The following ZMYND15 variants were observed in gnomAD, a reference collection of about 807,000 sequenced individuals.
The protein encoded by ZMYND15 is zinc finger MYND domain-containing protein 15.
ZMYND15 carries 54 observed loss-of-function variants against 81.7 expected under a neutral mutation model. That is an observed-to-expected ratio of 0.66 (90% CI 0.53 to 0.83). ZMYND15 has a LOEUF of 0.83. Among genes scored for constraint, ZMYND15 ranks in the 40% least tolerant of loss-of-function variants. The probability of loss-of-function intolerance (pLI) is 0.00; values close to 1 mark genes in which losing one functional copy is unlikely to be tolerated. For missense variants in ZMYND15, 925 were observed against 973.5 expected, an observed-to-expected ratio of 0.95 and a Z score of 0.66; for synonymous variants, 399 against 387.0, an observed-to-expected ratio of 1.03 and a Z score of -0.36.
chr17:4,740,518 G>C lies in ZMYND15; in HGVS notation c.-30-1G>C, dbSNP rs200325434. On this transcript the variant is annotated splice_acceptor_variant, in intron 1 of 13. Coordinates refer to ENST00000433935, the MANE Select transcript of ZMYND15 (RefSeq NM_001136046.3). LOFTEE classifies it low-confidence loss of function (5UTR_SPLICE). Reference sequence around the variant, plus strand: ...CACCATATATCCCTTCTTTTGCTCAGTCTGGGCCGGGGCCCTGTGCCGCTG... The same window carrying C: ...CACCATATATCCCTTCTTTTGCTCACTCTGGGCCGGGGCCCTGTGCCGCTG... 1 of 1,555,034 alleles carries C rather than the reference G, an allele frequency of 6.4e-7. No homozygotes were observed. The highest frequency in any genetic ancestry group is 1.9e-5 in the Admixed American group (1 of 54,050).
intron 1 of ZMYND15, 25 bp from the exon 2 acceptor site, chr17:4,740,494 A>G: frequency 6.6e-7 from 1 of 1,509,160 alleles, no homozygotes; most frequent in Non-Finnish European, 8.9e-7. Flanking sequence ...CCTGTCCCTC[A>G]CCATATATCC....
Position 4,743,597 on chromosome 17 carries a change from C to T in ZMYND15, c.1297+142C>T, listed in dbSNP as rs2150629666. ...GGGCCATTTCAGGCCTTTCCCAGCC[C>T]TCAATGGAATCACCCCTACCAACTC... On this transcript the variant is annotated intron_variant, in intron 6 of 13. Transcript: ENST00000433935. This position sits in a 1 kb window ranked among gnomAD's most constrained non-coding sequence, Gnocchi z 4.3. The T allele has an allele frequency of 4.4e-6, 6 of 1,363,056 alleles. No homozygotes were observed. The East Asian group carries it at 1.2e-4, about 27-fold the overall frequency. 84.4% of individuals were successfully genotyped at this position (1,363,056 alleles called of 1,614,324 possible).
At position 4,740,546 on chromosome 17, in the gene ZMYND15, G is replaced by T. The variant is rs1428762573; in HGVS notation, c.-3G>T. ...TGGGCCGGGGCCCTGTGCCGCTGAA[G>T]ACATGGAGTTTGTGTCTGGATACCG... On this transcript the variant is annotated 5_prime_UTR_variant, in exon 2 of 14. Transcript: ENST00000433935. 6.3e-7 allele frequency: 1 copy of T among 1,590,038 alleles called. No individual in the cohort carries two copies. The highest frequency in any genetic ancestry group is 1.7e-4 in the Middle Eastern group (1 of 5,926).
chr17:4,744,928 G>C lies in ZMYND15; in HGVS notation c.1896G>C (p.Gln632His). ...DTWLRSLPRL[Q>H]SLRVPAFFTE... ...GGCTGAGGTCTCTGCCCCGGTTACAGGTGGGCAATGGGGGCAAAAGGGAAC... is the reference window on the plus strand; with the variant it reads ...GGCTGAGGTCTCTGCCCCGGTTACACGTGGGCAATGGGGGCAAAAGGGAAC... Residue 632 changes from glutamine (Q) to histidine (H), a missense_variant and splice_region_variant, in exon 12 of 14, where the codon CAG (glutamine) becomes CAC (histidine). Physicochemically the swap from Gln to His is conservative, Grantham distance 24 (BLOSUM62 0). Coordinates refer to ENST00000433935, the MANE Select transcript of ZMYND15 (RefSeq NM_001136046.3). This position sits in a 1 kb window ranked among gnomAD's most constrained non-coding sequence, Gnocchi z 4.1. The C allele has an allele frequency of 6.2e-7, 1 of 1,614,106 alleles. No individual in the cohort carries two copies. The highest frequency in any genetic ancestry group is 8.5e-7 in the Non-Finnish European group (1 of 1,180,004).
chr17:4,744,382 T>G lies in ZMYND15; in HGVS notation c.1598T>G (p.Leu533Arg). The change falls in exon 10 of 14, where the codon CTG becomes CGG. Residue 533 changes from leucine (L) to arginine (R), a missense_variant. Physicochemically the swap from Leu to Arg is moderately radical, Grantham distance 102 (BLOSUM62 -2). Transcript: ENST00000433935. The surrounding 1 kb of genome is among the most constrained non-coding windows in gnomAD (Gnocchi z 4.1). ...LVMVFWELLV[L>R]LPHVALELQF... ...TCTGTCCTTCAGGAGCTTTTGGTCC[T>G]GCTCCCCCATGTGGCCCTGGAGCTG... 6.2e-7 allele frequency: 1 copy of G among 1,614,152 alleles called. No homozygotes were observed. Among genetic ancestry groups the G allele is most frequent in the Non-Finnish European group, 8.5e-7 (1 of 1,180,022 alleles).
At position 4,742,426 on chromosome 17, in the gene ZMYND15, C is replaced by T; in HGVS notation, c.1079C>T (p.Pro360Leu). The T allele has an allele frequency of 6.2e-7, 1 of 1,614,190 alleles. No individual in the cohort carries two copies. Among genetic ancestry groups the T allele is most frequent in the South Asian group, 1.1e-5 (1 of 91,080 alleles). ...PDDVSHRFWC[P>L]RLAAFMERAG... is the part of the protein sequence containing the mutation. ...GATGTGAGTCACCGATTTTGGTGCC[C>T]AAGGCTTGCAGCCTTCATGGAGCGG... Residue 360 changes from proline to leucine, a missense_variant, in exon 5 of 14, where the codon CCA (proline) becomes CTA (leucine). Physicochemically the swap from Pro to Leu is moderately conservative, Grantham distance 98 (BLOSUM62 -3). Transcript: ENST00000433935.
In ZMYND15 at chr17:4,745,407, C is replaced by T; in HGVS notation, c.2057+32C>T. ...GTCTGCGACCCTATTTCCTTCCTGA[C>T]CCTTAACTTCTCTTACTCTCTGGCT... On this transcript the variant is annotated intron_variant, in intron 13 of 13. Transcript: ENST00000433935. The surrounding 1 kb of genome is among the most constrained non-coding windows in gnomAD (Gnocchi z 5.2). The T allele has an allele frequency of 1.9e-6, 3 of 1,561,252 alleles. No individual in the cohort carries two copies. The highest frequency in any genetic ancestry group is 2.6e-6 in the Non-Finnish European group (3 of 1,155,398).
At position 4,741,639 on chromosome 17, in the gene ZMYND15, T is replaced by C. The variant is rs768675528; in HGVS notation, c.650T>C (p.Ile217Thr). Residue 217 changes from isoleucine to threonine, a missense_variant, in exon 3 of 14, where the codon ATC becomes ACC. Transcript: ENST00000433935. ...LLLVTDEHGTILGIDLLVDGA... is the reference protein window; with the variant it reads ...LLLVTDEHGTTLGIDLLVDGA... ...CTTGTGACGGATGAGCATGGCACCA[T>C]CTTGGGCATTGATCTGCTAGTGGAT... 8.7e-6 allele frequency: 14 copies of C among 1,614,134 alleles called. No homozygotes were observed. In the South Asian group the frequency reaches 1.4e-4, roughly 16 times the overall value.
chr17:4,742,166 C>T, intron 4 of ZMYND15, 96 bp downstream of exon 4: 2 of 1,565,754 alleles, frequency 1.3e-6, no homozygotes, highest in Non-Finnish European at 1.7e-6. Flanking sequence ...GAAGGAGAGG[C>T]AGGGACATGA....
At position 4,745,089 on chromosome 17, in the gene ZMYND15, C is replaced by T. The variant is rs1001300550; in HGVS notation, c.1897-126C>T. 7 of 1,556,878 alleles carry T rather than the reference C, an allele frequency of 4.5e-6. No homozygotes were observed. The highest frequency in any genetic ancestry group is 2.7e-5 in the African/African-American group (2 of 73,752). On this transcript the variant is annotated intron_variant, in intron 12 of 13. Transcript: ENST00000433935. The surrounding 1 kb of genome is among the most constrained non-coding windows in gnomAD (Gnocchi z 5.2). Reference sequence around the variant, plus strand: ...CCCTGCCTCTCTCTGTGTCTGTCTCCGTCCTCCCCCTGCTCCCCTCCGCCC... The same window carrying T: ...CCCTGCCTCTCTCTGTGTCTGTCTCTGTCCTCCCCCTGCTCCCCTCCGCCC...
rs150289794 is a variant in ZMYND15, at chr17:4,744,245, C to G, written c.1551C>G (p.Ala517=). The G allele has an allele frequency of 8.1e-6, 13 of 1,613,876 alleles. No individual in the cohort carries two copies. The highest frequency in any genetic ancestry group is 1.1e-5 in the Non-Finnish European group (13 of 1,179,988). ...CACTGAAGATCCACGTGGTGGAGGC[C>G]GGGAAGGAGTTTGACCTTGTCATGG... ...KQSLKIHVVE[A]GKEFDLVMVF... is the part of the protein sequence containing the mutation. The change falls in exon 9 of 14, where the codon GCC becomes GCG. Residue 517 remains alanine (A), a synonymous_variant. Coordinates refer to ENST00000433935, the MANE Select transcript of ZMYND15 (RefSeq NM_001136046.3). This position sits in a 1 kb window ranked among gnomAD's most constrained non-coding sequence, Gnocchi z 4.1.
Position 4,743,704 on chromosome 17 carries a change from GAAA to G in ZMYND15, c.1298-62_1298-60del. On this transcript the variant is annotated intron_variant, in intron 6 of 13. Coordinates refer to ENST00000433935, the MANE Select transcript of ZMYND15 (RefSeq NM_001136046.3). This position sits in a 1 kb window ranked among gnomAD's most constrained non-coding sequence, Gnocchi z 4.3. ...GGGAATACAGCCCCTTTGGAAGGAA[GAAA>G]GAGATGGGTCAGGTGGGGGTCTCCC... 5 of 1,513,056 alleles carry G rather than the reference GAAA, an allele frequency of 3.3e-6. No homozygotes were observed. Among genetic ancestry groups the G allele is most frequent in the South Asian group, 1.2e-5 (1 of 82,986 alleles). The allele number at this position is 1,513,056 out of a possible 1,614,324, so 93.7% of individuals were successfully genotyped here. A position where few individuals can be genotyped will look rare whatever the true frequency, so the allele number is the denominator to read the frequency against.
Position 4,745,926 on chromosome 17 carries a change from C to T in ZMYND15, c.2165C>T (p.Pro722Leu). 1 of 1,496,502 alleles carries T rather than the reference C, an allele frequency of 6.7e-7. No homozygotes were observed. The highest frequency in any genetic ancestry group is 8.9e-7 in the Non-Finnish European group (1 of 1,128,378). 92.7% of individuals were successfully genotyped at this position (1,496,502 alleles called of 1,614,324 possible). The change falls in exon 14 of 14, where the codon CCT (proline) becomes CTT (leucine). Residue 722 changes from proline (P) to leucine (L), a missense_variant. Coordinates refer to ENST00000433935, the MANE Select transcript of ZMYND15 (RefSeq NM_001136046.3). This position sits in a 1 kb window ranked among gnomAD's most constrained non-coding sequence, Gnocchi z 5.2. ...PPPSPTPSAPPAPTRRRRGEK... is the reference protein window; with the variant it reads ...PPPSPTPSAPLAPTRRRRGEK... ...CCATCCCCAACTCCCTCTGCTCCTC[C>T]TGCCCCCACCCGAAGGCGCCGAGGA... is the stretch of plus-strand genomic sequence containing the variant.
rs1264482222 is a variant in ZMYND15, at chr17:4,744,229, T to G, written c.1535T>G (p.Ile512Ser). The stretch of plus-strand genomic sequence containing the variant: ...ATCCAAAACAAACAGTCACTGAAGA[T>G]CCACGTGGTGGAGGCCGGGAAGGAG... ...LNIQNKQSLKIHVVEAGKEFD... is the reference protein window; with the variant it reads ...LNIQNKQSLKSHVVEAGKEFD... The change falls in exon 9 of 14, where the codon ATC becomes AGC. Residue 512 changes from isoleucine (I) to serine (S), a missense_variant. Ile to Ser is a moderately radical substitution (Grantham distance 142, BLOSUM62 -2). Transcript: ENST00000433935. This position sits in a 1 kb window ranked among gnomAD's most constrained non-coding sequence, Gnocchi z 4.1. 1 of 1,614,024 alleles carries G rather than the reference T, an allele frequency of 6.2e-7. No individual in the cohort carries two copies. Among genetic ancestry groups the G allele is most frequent in the Non-Finnish European group, 8.5e-7 (1 of 1,179,992 alleles).
Position 4,745,265 on chromosome 17 carries a change from G to A in ZMYND15, c.1947G>A (p.Val649=). ...FFTESSEYSC[V]MDGQTMAVAT... The stretch of plus-strand genomic sequence containing the variant: ...CCGAGAGCAGCGAGTACAGCTGTGT[G>A]ATGGACGGCCAGACCATGGCGGTGG... Residue 649 remains valine (V), a synonymous_variant, in exon 13 of 14, where the codon GTG becomes GTA. Coordinates refer to ENST00000433935, the MANE Select transcript of ZMYND15 (RefSeq NM_001136046.3). This position sits in a 1 kb window ranked among gnomAD's most constrained non-coding sequence, Gnocchi z 5.2. The A allele has an allele frequency of 6.2e-7, 1 of 1,613,964 alleles. No individual in the cohort carries two copies. Among genetic ancestry groups the A allele is most frequent in the Non-Finnish European group, 8.5e-7 (1 of 1,179,972 alleles).
At chr17:4,742,104 C>A in intron 4 of ZMYND15, 34 bp downstream of exon 4, 1 of 1,610,812 alleles carries the variant, frequency 6.2e-7, no homozygotes, top group Non-Finnish European at 8.5e-7. Flanking sequence ...AGAGGAAGAC[C>A]CCAATAGGCA....
At position 4,743,554 on chromosome 17, in the gene ZMYND15, C is replaced by A; in HGVS notation, c.1297+99C>A. On this transcript the variant is annotated intron_variant, in intron 6 of 13. Transcript: ENST00000433935. This position sits in a 1 kb window ranked among gnomAD's most constrained non-coding sequence, Gnocchi z 4.3. ...GATGATCCCTCCACATACACACTGA[C>A]CCCTACCAACAGCACCAGGGCCATT... is the stretch of plus-strand genomic sequence containing the variant. 5 of 1,516,338 alleles carry A rather than the reference C, an allele frequency of 3.3e-6. No homozygotes were observed. Among genetic ancestry groups the A allele is most frequent in the Non-Finnish European group, 4.4e-6 (5 of 1,124,452 alleles). 93.9% of individuals were successfully genotyped at this position (1,516,338 alleles called of 1,614,324 possible). A position where few individuals can be genotyped will look rare whatever the true frequency, so the allele number is the denominator to read the frequency against.
rs1299695874 is a variant in ZMYND15, at chr17:4,743,732, C to T, written c.1298-35C>T. On this transcript the variant is annotated intron_variant, in intron 6 of 13. Coordinates refer to ENST00000433935, the MANE Select transcript of ZMYND15 (RefSeq NM_001136046.3). This position sits in a 1 kb window ranked among gnomAD's most constrained non-coding sequence, Gnocchi z 4.3. ...AGAGATGGGTCAGGTGGGGGTCTCC[C>T]TGACCCCAGGCCCCTCCTTCTTTCA... is the stretch of plus-strand genomic sequence containing the variant. 3 of 1,590,858 alleles carry T rather than the reference C, an allele frequency of 1.9e-6. No individual in the cohort carries two copies. Among genetic ancestry groups the T allele is most frequent in the Non-Finnish European group, 2.6e-6 (3 of 1,167,360 alleles).
intron 5 of ZMYND15, 106 bp downstream of exon 5, chr17:4,742,597 G>A: frequency 6.9e-7 from 1 of 1,443,872 alleles, no homozygotes; most frequent in Non-Finnish European, 9.4e-7. Context: ...CTGAGTGTCT[G>A]GGGCTAGAGC....
Sources: gnomAD v4.1 joint callset for allele counts on GRCh38, gnomAD v4.1.1 for gene constraint, Gnocchi (gnomAD v3.1) non-coding constraint, MANE v1.5 for transcripts, NCBI Gene and HGNC (gene_info 2026-07-23, HGNC 2026-07-21) for gene names.